Variants in WDFY3 observed in about 807,000 individuals in gnomAD.
WDFY3 encodes the protein WD repeat and FYVE domain-containing protein 3.
Under a neutral mutation model 409.6 loss-of-function variants are expected in WDFY3, and 66 were observed. The ratio of observed to expected loss-of-function variants is 0.16; its 90% CI spans 0.13 to 0.20. The LOEUF is 0.20. Among genes scored for constraint, WDFY3 ranks in the 10% least tolerant of loss-of-function variants. The probability of loss-of-function intolerance (pLI) is 1.00; values close to 1 mark genes in which losing one functional copy is unlikely to be tolerated. For synonymous variants in WDFY3, 1,521 were observed against 1,537.1 expected, an observed-to-expected ratio of 0.99 and a Z score of 0.25; for missense variants, 3,031 against 4,298.1, an observed-to-expected ratio of 0.71 and a Z score of 8.24.
intron 53 of WDFY3, 114 bp downstream of exon 53, chr4:84,708,795 C>G (rs899001142): frequency 8.5e-7 from 1 of 1,174,642 alleles, no homozygotes; most frequent in African/African-American, 1.6e-5. Context: ...CCTCTCTTAG[C>G]CTCCCAAAGT....
In WDFY3 at chr4:84,772,486, C is replaced by A. The variant is rs138449534; in HGVS notation, c.4849+349G>T. On this transcript the variant is annotated intron_variant, in intron 30 of 67. Transcript: ENST00000295888. ...GATATATGGATATAATTTAGTTTAG[C>A]AAGTATCATGTTTCTGAAGAGATAT... Among the ~76,000 whole-genome samples, 927 of 152,052 alleles carry A rather than the reference C, an allele frequency of 6.1e-3. 11 individuals are homozygous for A. Among genetic ancestry groups the A allele is most frequent in the African/African-American group, 0.021 (875 of 41,496 alleles).
chr4:84,963,910 G>C (rs536479366), intron 1 of WDFY3, among the ~76,000 whole-genome samples: 2 of 152,268 alleles, frequency 1.3e-5, no homozygotes, highest in Admixed American at 1.3e-4. Context: ...TCTATGTGCT[G>C]AACTCTTAAT....
chr4:84,946,919 G>A lies in WDFY3; in HGVS notation c.-225-14556C>T, dbSNP rs923343220. ...CCTCCCAGGTTCATGCCATTCTCCC[G>A]CCTCAGCCTCCCTAGTAGCTAGGAC... On this transcript the variant is annotated intron_variant, in intron 1 of 67. Coordinates refer to ENST00000295888, the MANE Select transcript of WDFY3 (RefSeq NM_014991.6). Among the ~76,000 whole-genome samples, 7 of 151,140 alleles carry A rather than the reference G, an allele frequency of 4.6e-5. No homozygotes were observed. In the East Asian group the frequency reaches 8.0e-4, roughly 17 times the overall value.
chr4:84,805,822 C>G lies in WDFY3; in HGVS notation c.2430-2355G>C, dbSNP rs182437078. On this transcript the variant is annotated intron_variant, in intron 15 of 67. Coordinates refer to ENST00000295888, the MANE Select transcript of WDFY3 (RefSeq NM_014991.6). The stretch of plus-strand genomic sequence containing the variant: ...CATTGCAGTTATATTCTGTAGAGTT[C>G]TGATTATTATTTTGTATTCACTTCT... 3.3e-5 allele frequency among the ~76,000 whole-genome samples: 5 copies of G among 152,268 alleles called. No individual in the cohort carries two copies. In the East Asian group the frequency reaches 7.7e-4, roughly 24 times the overall value.
intron 29 of WDFY3, among the ~76,000 whole-genome samples, chr4:84,773,700 G>A (rs1022719525): frequency 5.3e-4 from 80 of 152,286 alleles, no homozygotes; most frequent in African/African-American, 1.9e-3. Flanking sequence ...TTAAGCTAAA[G>A]TTTTAGATCT....
At chr4:84,934,711 T>C (rs968219778) in intron 1 of WDFY3, among the ~76,000 whole-genome samples, 15 of 152,132 alleles carry the variant, frequency 9.9e-5, no homozygotes, top group African/African-American at 3.1e-4. Context: ...AGCAAAATAA[T>C]AGAATGAACA....
At chr4:84,744,713 C>T (rs909205480) in intron 36 of WDFY3, among the ~76,000 whole-genome samples, 1 of 150,284 alleles carries the variant, frequency 6.7e-6, no homozygotes. Flanking sequence ...ATTAGCCGGG[C>T]GTAGTGGCGG....
At chr4:84,959,470 C>A (rs897866908) in intron 1 of WDFY3, among the ~76,000 whole-genome samples, 7 of 152,088 alleles carry the variant, frequency 4.6e-5, no homozygotes, top group Non-Finnish European at 5.9e-5. Context: ...ATACAGGCCC[C>A]AAAATTGTCT....
At chr4:84,905,043 C>A (rs1766853226) in intron 2 of WDFY3, among the ~76,000 whole-genome samples, 1 of 151,650 alleles carries the variant, frequency 6.6e-6, no homozygotes, top group Non-Finnish European at 1.5e-5. Context: ...GGGAAAGACC[C>A]ACCGACCCTG....
At chr4:84,784,166 T>A (rs1560751492) in intron 24 of WDFY3, among the ~76,000 whole-genome samples, 1 of 152,198 alleles carries the variant, frequency 6.6e-6, no homozygotes, top group African/African-American at 2.4e-5. Context: ...TTTCTGGTTC[T>A]TCTTGATCTC....
chr4:84,735,842 G>T (rs554450542), intron 42 of WDFY3, among the ~76,000 whole-genome samples: 1 of 152,230 alleles, frequency 6.6e-6, no homozygotes, highest in Non-Finnish European at 1.5e-5. Flanking sequence ...AAAAAGGCTT[G>T]TTTGGCTATT....
At chr4:84,841,870 A>C (rs1212397570) in intron 5 of WDFY3, among the ~76,000 whole-genome samples, 2 of 152,154 alleles carry the variant, frequency 1.3e-5, no homozygotes, top group Non-Finnish European at 2.9e-5. Context: ...TAAGACTATT[A>C]ATCTAGTAGT....
chr4:84,795,451 T>C (rs1228122254), intron 19 of WDFY3, among the ~76,000 whole-genome samples: 2 of 152,100 alleles, frequency 1.3e-5, no homozygotes, highest in South Asian at 2.1e-4. Flanking sequence ...ACAACTAGTA[T>C]AGATAAAAAT....
At chr4:84,962,728 C>T (rs996136882) in intron 1 of WDFY3, among the ~76,000 whole-genome samples, 13 of 146,910 alleles carry the variant, frequency 8.8e-5, no homozygotes, top group African/African-American at 1.5e-4. Context: ...GGTTGGAGTG[C>T]GGTGGCGCCA....
chr4:84,949,023 G>A (rs907058210), intron 1 of WDFY3, among the ~76,000 whole-genome samples: 28 of 151,926 alleles, frequency 1.8e-4, no homozygotes, highest in Admixed American at 6.6e-5. Flanking sequence ...CCCCTGGCAC[G>A]GCCTACCAAA....
intron 2 of WDFY3, among the ~76,000 whole-genome samples, chr4:84,929,150 G>A (rs976425727): frequency 2.0e-5 from 3 of 152,126 alleles, no homozygotes; most frequent in Non-Finnish European, 4.4e-5. Context: ...TACAGTAAAG[G>A]CTCAAGTGGC....
chr4:84,712,082 G>C (rs1366976057), intron 51 of WDFY3, among the ~76,000 whole-genome samples: 1 of 151,992 alleles, frequency 6.6e-6, no homozygotes, highest in South Asian at 2.1e-4. Context: ...CCAGCGCTTT[G>C]AGGGGCCAAG....
chr4:84,831,905 C>G (rs1307595471), intron 7 of WDFY3, among the ~76,000 whole-genome samples: 1 of 152,098 alleles, frequency 6.6e-6, no homozygotes, highest in African/African-American at 2.4e-5. Context: ...TAAATTAGTA[C>G]AGCCATTATG....
chr4:84,859,262 C>A (rs950408018), intron 4 of WDFY3, among the ~76,000 whole-genome samples: 1 of 152,112 alleles, frequency 6.6e-6, no homozygotes, highest in Admixed American at 6.5e-5. Context: ...AGAGCAAACA[C>A]TGAATACTGC....
Sources: gnomAD v4.1 joint callset for allele counts (sites outside exome capture counted in the v4.1 genomes callset) on GRCh38, gnomAD v4.1.1 for gene constraint, MANE v1.5 for transcripts, NCBI Gene and HGNC (gene_info 2026-07-23, HGNC 2026-07-21) for gene names.